The following DYNC1I1 variants were observed in gnomAD, a reference collection of about 807,000 sequenced individuals.
The protein encoded by DYNC1I1 is dynein cytoplasmic 1 intermediate chain 1.
Under a neutral mutation model 86.6 loss-of-function variants are expected in DYNC1I1, and 43 were observed. The observed-to-expected ratio is 0.50, with a 90% CI of 0.39 to 0.64. DYNC1I1 has a LOEUF of 0.64. Ranked by LOEUF, DYNC1I1 falls within the 30% of genes least tolerant of loss-of-function variation. DYNC1I1 has a pLI of 0.00. For synonymous variants in DYNC1I1, 262 were observed against 283.7 expected (o/e 0.92, Z 0.77); for missense variants, 604 against 788.8 (o/e 0.77, Z 2.81).
intron 2 of DYNC1I1, among the ~76,000 whole-genome samples, chr7:95,807,637 C>G (rs1337179579): frequency 2.6e-5 from 4 of 152,116 alleles, no homozygotes; most frequent in Admixed American, 2.6e-4. Context: ...TCACTGATCT[C>G]CTACTTCTTC....
intron 10 of DYNC1I1, among the ~76,000 whole-genome samples, chr7:96,005,029 G>T (rs1794107611): frequency 6.6e-6 from 1 of 152,044 alleles, no homozygotes; most frequent in Non-Finnish European, 1.5e-5. Context: ...AATTAACCAA[G>T]AAAAAGTAAA....
chr7:95,939,144 G>A (rs1375575503), intron 6 of DYNC1I1, among the ~76,000 whole-genome samples: 1 of 152,176 alleles, frequency 6.6e-6, no homozygotes, highest in Non-Finnish European at 1.5e-5. Context: ...TAGTTTGATT[G>A]CACTGTGGTC....
rs144536869 is a variant in DYNC1I1, at chr7:96,086,836, C to T, written c.1776+6348C>T. Among the ~76,000 whole-genome samples, 556 of 152,120 alleles carry T rather than the reference C, an allele frequency of 3.7e-3. 2 individuals are homozygous for T. The highest frequency in any genetic ancestry group is 6.5e-3 in the Non-Finnish European group (442 of 67,966). ...TCAAGAGAGAAAAGTTTATTTGTAA[C>T]GCCAACAGGAAGAATGGCCTACACA... On this transcript the variant is annotated intron_variant, in intron 16 of 16. Transcript: ENST00000447467.
rs531578283 is a variant in DYNC1I1, at chr7:95,797,736, T to C, written c.-9-6985T>C. Among the ~76,000 whole-genome samples the C allele has an allele frequency of 6.6e-5, 10 of 152,340 alleles. 1 individual carries two copies. Among genetic ancestry groups the C allele is most frequent in the African/African-American group, 1.4e-4 (6 of 41,584 alleles). ...TGACTTTTGGTATAATAGTGAAGAATATCCACAATTACCTGAAGAGGCTGT... is the reference window on the plus strand; with the variant it reads ...TGACTTTTGGTATAATAGTGAAGAACATCCACAATTACCTGAAGAGGCTGT... On this transcript the variant is annotated intron_variant, in intron 1 of 16. Transcript: ENST00000447467.
At position 96,080,481 on chromosome 7, in the gene DYNC1I1, T is replaced by C; in HGVS notation, c.1769T>C (p.Val590Ala). 6.2e-7 allele frequency: 1 copy of C among 1,614,156 alleles called. No homozygotes were observed. Among genetic ancestry groups the C allele is most frequent in the Non-Finnish European group, 8.5e-7 (1 of 1,180,012 alleles). The change falls in exon 16 of 17, where the codon GTT (valine) becomes GCT (alanine). Residue 590 changes from valine (V) to alanine (A), a missense_variant. By Grantham distance (64) the Val-to-Ala change is moderately conservative. Coordinates refer to ENST00000447467, the MANE Select transcript of DYNC1I1 (RefSeq NM_001135556.2). The part of the protein sequence containing the change: ...DSEGRIWVYD[V>A]GELAVPHNDE... Reference sequence around the variant, plus strand: ...GAAGGCCGTATTTGGGTCTATGACGTTGGAGAGGTACGTGTGTATTTGTGT... The same window carrying C: ...GAAGGCCGTATTTGGGTCTATGACGCTGGAGAGGTACGTGTGTATTTGTGT...
At chr7:96,068,468 T>G (rs1790060502) in intron 14 of DYNC1I1, among the ~76,000 whole-genome samples, 1 of 152,162 alleles carries the variant, frequency 6.6e-6, no homozygotes, top group Non-Finnish European at 1.5e-5. Flanking sequence ...CTTGACTCTT[T>G]GAAAATGTGT....
intron 1 of DYNC1I1, among the ~76,000 whole-genome samples, chr7:95,792,248 G>C (rs75399246): frequency 1.3e-5 from 2 of 152,254 alleles, no homozygotes; most frequent in Middle Eastern, 3.4e-3. Context: ...TAACAGCACC[G>C]GTGAGGGGTG....
At chr7:96,078,821 A>G (rs867053982) in intron 15 of DYNC1I1, among the ~76,000 whole-genome samples, 33 of 152,310 alleles carry the variant, frequency 2.2e-4, no homozygotes, top group African/African-American at 6.5e-4. Flanking sequence ...TGAAGAGTCT[A>G]TAGTTGAATC....
At chr7:96,076,250 G>A (rs1790336287) in intron 15 of DYNC1I1, 53 bp downstream of exon 15, 2 of 1,599,786 alleles carry the variant, frequency 1.3e-6, no homozygotes, top group East Asian at 4.5e-5. Context: ...GGGCGCAGTC[G>A]GCCACTCGCA....
At chr7:96,040,758 G>T (rs1239209950) in intron 14 of DYNC1I1, among the ~76,000 whole-genome samples, 1 of 146,952 alleles carries the variant, frequency 6.8e-6, no homozygotes, top group Non-Finnish European at 1.5e-5. Flanking sequence ...GTCTCGCTCT[G>T]TCACCCAGGC....
intron 5 of DYNC1I1, among the ~76,000 whole-genome samples, chr7:95,850,410 A>C (rs1431371882): frequency 6.6e-6 from 1 of 152,122 alleles, no homozygotes; most frequent in Non-Finnish European, 1.5e-5. Flanking sequence ...GGTTTTTATC[A>C]TGAAAGGGTA....
At chr7:95,884,809 A>T (rs1291047177) in intron 6 of DYNC1I1, among the ~76,000 whole-genome samples, 1 of 151,634 alleles carries the variant, frequency 6.6e-6, no homozygotes, top group Non-Finnish European at 1.5e-5. Context: ...AAAAAAAATA[A>T]GCGTAATAGA....
chr7:95,783,733 G>GA (rs1170728048), intron 1 of DYNC1I1, among the ~76,000 whole-genome samples: 4 of 152,104 alleles, frequency 2.6e-5, no homozygotes, highest in Admixed American at 6.5e-5. Flanking sequence ...TTTGATAACA[G>GA]AAAAAATGTG....
At chr7:95,776,783 G>A (rs192917635) in intron 1 of DYNC1I1, among the ~76,000 whole-genome samples, 44 of 152,334 alleles carry the variant, frequency 2.9e-4, no homozygotes, top group Non-Finnish European at 5.9e-4. Flanking sequence ...GCCTCCAGGC[G>A]TGGCAGGCAG....
intron 10 of DYNC1I1, among the ~76,000 whole-genome samples, chr7:96,000,382 C>G (rs1793979814): frequency 1.3e-5 from 2 of 152,148 alleles, no homozygotes; most frequent in South Asian, 4.1e-4. Flanking sequence ...GATTATCATA[C>G]ACATTTTGAA....
intron 6 of DYNC1I1, among the ~76,000 whole-genome samples, chr7:95,905,098 A>G (rs1034594383): frequency 6.6e-6 from 1 of 152,174 alleles, no homozygotes; most frequent in African/African-American, 2.4e-5. Flanking sequence ...TCTGACCCTT[A>G]TTTAAAGTGT....
chr7:96,033,229 A>T (rs1418152769), intron 12 of DYNC1I1, among the ~76,000 whole-genome samples: 1 of 152,206 alleles, frequency 6.6e-6, no homozygotes, highest in Admixed American at 6.5e-5. Context: ...GCCTGTGTGT[A>T]TGAAGAAACC....
Position 96,035,600 on chromosome 7 carries a change from C to G in DYNC1I1, c.1231-19C>G. On this transcript the variant is annotated intron_variant, in intron 12 of 16. Coordinates refer to ENST00000447467, the MANE Select transcript of DYNC1I1 (RefSeq NM_001135556.2). ...AAGGAGTTGACAGATGGAAATGTAA[C>G]CACACCGTGTTTTGGTAGGAGAGCA... The G allele has an allele frequency of 6.4e-7, 1 of 1,561,574 alleles. No homozygotes were observed. The highest frequency in any genetic ancestry group is 8.6e-7 in the Non-Finnish European group (1 of 1,158,202).
At chr7:96,063,881 C>T (rs1280478128) in intron 14 of DYNC1I1, among the ~76,000 whole-genome samples, 1 of 152,150 alleles carries the variant, frequency 6.6e-6, no homozygotes, top group Admixed American at 6.6e-5. Context: ...ACTACCGCCA[C>T]CTCCTAATCC....
Sources: gnomAD v4.1 joint callset for allele counts (sites outside exome capture counted in the v4.1 genomes callset) on GRCh38, gnomAD v4.1.1 for gene constraint, MANE v1.5 for transcripts, NCBI Gene and HGNC (gene_info 2026-07-23, HGNC 2026-07-21) for gene names.